The following SKA3 variants were observed in gnomAD, a reference collection of about 807,000 sequenced individuals.
SKA3 encodes the protein spindle and kinetochore-associated protein 3.
SKA3 carries 39 observed loss-of-function variants against 44.2 expected under a neutral mutation model. The observed-to-expected ratio is 0.88, with a 90% CI of 0.68 to 1.15. The LOEUF is 1.15. Ranked by LOEUF, SKA3 falls within the 50% of genes most tolerant of loss-of-function variation. The pLI is 0.00. For synonymous variants in SKA3, 192 were observed against 172.0 expected, an observed-to-expected ratio of 1.12 and a Z score of -0.91; for missense variants, 511 against 485.8, an observed-to-expected ratio of 1.05 and a Z score of -0.49.
chr13:21,171,616 G>A (rs1329717666), intron 3 of SKA3, among the ~76,000 whole-genome samples: 1 of 151,850 alleles, frequency 6.6e-6, no homozygotes, highest in Non-Finnish European at 1.5e-5. Context: ...CAGAGGTATG[G>A]GCATAACAGT....
At chr13:21,164,629 C>G (rs1421882450) in intron 4 of SKA3, among the ~76,000 whole-genome samples, 1 of 152,190 alleles carries the variant, frequency 6.6e-6, no homozygotes, top group Non-Finnish European at 1.5e-5. Context: ...TGTCCATTGC[C>G]TAGGCTGCTT....
intron 4 of SKA3, 41 bp downstream of exon 4, chr13:21,167,947 A>G: frequency 2.6e-6 from 3 of 1,156,848 alleles, no homozygotes; most frequent in Non-Finnish European, 3.3e-6. Context: ...CAAAAGGTTT[A>G]GAAAGCTAGA....
intron 6 of SKA3, among the ~76,000 whole-genome samples, chr13:21,158,595 T>G (rs1174970843): frequency 6.6e-6 from 1 of 152,126 alleles, no homozygotes; most frequent in African/African-American, 2.4e-5. Flanking sequence ...CACTCCAGCC[T>G]GGGTGACAGA....
At chr13:21,170,582 TTC>T (rs1870983523) in intron 3 of SKA3, among the ~76,000 whole-genome samples, 1 of 152,238 alleles carries the variant, frequency 6.6e-6, no homozygotes, top group African/African-American at 2.4e-5. Context: ...TTTGAAGAGC[TTC>T]TGAGTCACTG....
intron 3 of SKA3, among the ~76,000 whole-genome samples, chr13:21,169,585 C>T (rs1217647189): frequency 6.6e-6 from 1 of 152,158 alleles, no homozygotes; most frequent in East Asian, 1.9e-4. Flanking sequence ...GCAGACAGCC[C>T]CTTCTCTGCT....
Position 21,155,744 on chromosome 13 carries a change from C to G in SKA3, c.1187G>C (p.Arg396Thr), listed in dbSNP as rs142890023. 2 of 1,611,452 alleles carry G rather than the reference C, an allele frequency of 1.2e-6. No homozygotes were observed. Among genetic ancestry groups the G allele is most frequent in the East Asian group, 2.2e-5 (1 of 44,816 alleles). ...GATGTTCTGTCCATGTTTAAGGAAC[C>G]TTTTACTGGGTGGCACTGCTTTAAT... ...IAIKAVPPSK[R>T]FLKHGQNIRD... is the part of the protein sequence containing the mutation. The change falls in exon 8 of 9, where the codon AGG becomes ACG. Residue 396 changes from arginine (R) to threonine (T), a missense_variant. By Grantham distance (71) the Arg-to-Thr change is moderately conservative. Coordinates refer to ENST00000314759, the MANE Select transcript of SKA3 (RefSeq NM_145061.6).
intron 1 of SKA3, among the ~76,000 whole-genome samples, chr13:21,174,767 C>CCAACAACAACAACAA (rs60501469): frequency 1.3e-5 from 2 of 150,664 alleles, no homozygotes; most frequent in Non-Finnish European, 3.0e-5. Context: ...GCGTACTGCT[C>CCAACAACAACAACAA]CAACAACAAC....
chr13:21,174,233 C>CACTG (rs1357019667), intron 1 of SKA3, among the ~76,000 whole-genome samples: 1 of 152,192 alleles, frequency 6.6e-6, no homozygotes, highest in East Asian at 1.9e-4. Flanking sequence ...GCCATCCCAT[C>CACTG]ACTGGGTATA....
rs1304652062 is a variant in SKA3 at position 21,154,026 on chromosome 13, T to C, written c.*1124A>G. 1.3e-5 allele frequency: 2 copies of C among 152,222 alleles called. No individual in the cohort carries two copies. Among genetic ancestry groups the C allele is most frequent in the Non-Finnish European group, 2.9e-5 (2 of 68,028 alleles). The allele number at this position is 152,222 out of a possible 1,614,324, so 9.4% of individuals were successfully genotyped here. On this transcript the variant is annotated 3_prime_UTR_variant, in exon 9 of 9. Coordinates refer to ENST00000314759, the MANE Select transcript of SKA3 (RefSeq NM_145061.6). ...TTTTGGTGACAGTTTTCTGACAAGA[T>C]TAATAGAGCACAATGGACAGGTCCC...
At chr13:21,157,888 G>GC (rs1555233741) in intron 7 of SKA3, 34 bp downstream of exon 7, 3 of 554,840 alleles carry the variant, frequency 5.4e-6, no homozygotes, top group Non-Finnish European at 8.8e-6. Flanking sequence ...AAGAATATCA[G>GC]CAAAAAAAAA....
intron 7 of SKA3, among the ~76,000 whole-genome samples, 157 bp downstream of exon 7, chr13:21,157,765 G>T (rs1213196379): frequency 6.6e-6 from 1 of 152,006 alleles, no homozygotes; most frequent in Non-Finnish European, 1.5e-5. Flanking sequence ...TAGAAAATAA[G>T]GTCCTGACAG....
chr13:21,157,817 G>T, intron 7 of SKA3, 105 bp downstream of exon 7: 2 of 775,030 alleles, frequency 2.6e-6, no homozygotes, highest in Non-Finnish European at 4.0e-6. Flanking sequence ...TAGCACACTA[G>T]CCCAATGATA....
At chr13:21,166,878 T>C (rs1870739708) in intron 4 of SKA3, among the ~76,000 whole-genome samples, 1 of 152,232 alleles carries the variant, frequency 6.6e-6, no homozygotes, top group South Asian at 2.1e-4. Flanking sequence ...ATTTTATCTT[T>C]AGTGTTTTTT....
intron 3 of SKA3, among the ~76,000 whole-genome samples, chr13:21,171,841 C>T (rs1160572752): frequency 6.6e-6 from 1 of 152,126 alleles, no homozygotes; most frequent in Non-Finnish European, 1.5e-5. Context: ...CATTTTGACT[C>T]CAAATTCTAA....
rs774222021 is a variant in SKA3, at chr13:21,168,237, C to T, written c.494G>A (p.Arg165Gln). Residue 165 changes from arginine to glutamine, a missense_variant, in exon 4 of 9, where the codon CGG (arginine) becomes CAG (glutamine). By Grantham distance (43) the Arg-to-Gln change is conservative. Transcript: ENST00000314759. ...SPQLSDFGLE[R>Q]YIVSQVLPNP... ...TGGTAGAACTTGGGATACGATGTAC[C>T]GCTCAAGTCCAAAATCTGAAAGTTG... is the stretch of plus-strand genomic sequence containing the variant. 6.8e-6 allele frequency: 11 copies of T among 1,614,122 alleles called. No homozygotes were observed. The highest frequency in any genetic ancestry group is 2.7e-5 in the African/African-American group (2 of 75,016).
Sources: gnomAD v4.1 joint callset for allele counts (sites outside exome capture counted in the v4.1 genomes callset) on GRCh38, gnomAD v4.1.1 for gene constraint, MANE v1.5 for transcripts, NCBI Gene and HGNC (gene_info 2026-07-23, HGNC 2026-07-21) for gene names.